Variants in NYAP2 observed in about 807,000 individuals in gnomAD.
NYAP2 encodes neuronal tyrosine-phosphorylated phosphoinositide-3-kinase adapter 2.
A neutral mutation model predicts 50.4 loss-of-function variants in NYAP2; 23 were observed. The ratio of observed to expected loss-of-function variants is 0.46; its 90% CI spans 0.33 to 0.65. The LOEUF (loss-of-function observed/expected upper bound fraction) is 0.65. Ranked by LOEUF, NYAP2 falls within the 30% of genes least tolerant of loss-of-function variation. NYAP2 has a pLI of 0.02. For synonymous variants in NYAP2, 394 were observed against 365.2 expected (o/e 1.08, Z -0.90); for missense variants, 885 against 861.0 (o/e 1.03, Z -0.35).
chr2:225,467,453 G>C (rs1689938492), intron 3 of NYAP2, among the ~76,000 whole-genome samples: 1 of 152,136 alleles, frequency 6.6e-6, no homozygotes, highest in African/African-American at 2.4e-5. Context: ...TGTTGTGGTT[G>C]ATGCCTCTCC....
the NYAP2 span, among the ~76,000 whole-genome samples, chr2:225,672,553 T>C: frequency 1.3e-5 from 2 of 152,160 alleles, no homozygotes; most frequent in Non-Finnish European, 2.9e-5. Context: ...GCAGTAACAC[T>C]TGTAATTTCC....
At chr2:225,628,541 T>C (rs572596705) in intron 6 of NYAP2, among the ~76,000 whole-genome samples, 1 of 152,130 alleles carries the variant, frequency 6.6e-6, no homozygotes, top group East Asian at 1.9e-4. Flanking sequence ...CAGGCTGGTC[T>C]CAAACTCCTG....
the NYAP2 span, among the ~76,000 whole-genome samples, chr2:225,661,648 C>A: frequency 6.6e-6 from 1 of 152,072 alleles, no homozygotes; most frequent in East Asian, 1.9e-4. Flanking sequence ...AGATATAAAA[C>A]CAGGTAGTTC....
chr2:225,560,072 G>A (rs1349970308), intron 4 of NYAP2, among the ~76,000 whole-genome samples: 1 of 151,892 alleles, frequency 6.6e-6, no homozygotes, highest in Admixed American at 6.6e-5. Context: ...ATGCAAAAAA[G>A]AATATGTAAA....
At chr2:225,532,341 G>A (rs890924123) in intron 4 of NYAP2, among the ~76,000 whole-genome samples, 35 of 152,208 alleles carry the variant, frequency 2.3e-4, no homozygotes, top group African/African-American at 8.2e-4. Flanking sequence ...ATTGCATAAA[G>A]AGTACTTTGA....
intron 5 of NYAP2, among the ~76,000 whole-genome samples, chr2:225,589,717 A>C (rs941527557): frequency 1.3e-5 from 2 of 151,668 alleles, no homozygotes; most frequent in East Asian, 3.9e-4. Flanking sequence ...AATAAATTAC[A>C]TTTCGTTTTC....
At chr2:225,507,616 T>A (rs1690731129) in intron 3 of NYAP2, among the ~76,000 whole-genome samples, 2 of 152,252 alleles carry the variant, frequency 1.3e-5, no homozygotes, top group Admixed American at 1.3e-4. Flanking sequence ...TTTATTTTGA[T>A]TTTCTTTGTG....
chr2:225,471,933 A>G (rs1261719713), intron 3 of NYAP2, among the ~76,000 whole-genome samples: 1 of 152,066 alleles, frequency 6.6e-6, no homozygotes, highest in Admixed American at 6.6e-5. Context: ...ACAGAATTTA[A>G]CCAAGAGGTA....
the NYAP2 span, among the ~76,000 whole-genome samples, chr2:225,665,807 T>TAAAAAA: frequency 0.11 from 2,365 of 20,976 alleles, 869 homozygotes; most frequent in Admixed American, 0.13. Flanking sequence ...AGCCTCCGTC[T>TAAAAAA]AAAAAAAAAA....
intron 3 of NYAP2, among the ~76,000 whole-genome samples, chr2:225,426,993 A>G (rs1695297482): frequency 6.6e-6 from 1 of 152,238 alleles, no homozygotes. Context: ...TAAAAGAAAA[A>G]TAAGACTAGT....
chr2:225,526,534 T>C (rs975645211), intron 4 of NYAP2, among the ~76,000 whole-genome samples: 3 of 152,232 alleles, frequency 2.0e-5, no homozygotes, highest in Admixed American at 6.5e-5. Flanking sequence ...CTGAATTTAT[T>C]TGGCTCTTCT....
intron 5 of NYAP2, among the ~76,000 whole-genome samples, chr2:225,585,388 G>T (rs193118034): frequency 6.6e-6 from 1 of 152,250 alleles, no homozygotes; most frequent in East Asian, 1.9e-4. Flanking sequence ...ATATGTAAAA[G>T]AAATGATTAA....
At chr2:225,448,772 G>T (rs187043486) in intron 3 of NYAP2, among the ~76,000 whole-genome samples, 2 of 152,260 alleles carry the variant, frequency 1.3e-5, no homozygotes, top group East Asian at 3.9e-4. Context: ...TCATGCTCCA[G>T]AATCAAAATT....
intron 6 of NYAP2, among the ~76,000 whole-genome samples, chr2:225,632,445 G>T (rs1027220558): frequency 6.6e-6 from 1 of 152,128 alleles, no homozygotes; most frequent in African/African-American, 2.4e-5. Context: ...CCAGTCACAG[G>T]CTATTGCTTT....
intron 3 of NYAP2, among the ~76,000 whole-genome samples, chr2:225,422,692 T>A (rs185361366): frequency 6.6e-6 from 1 of 152,164 alleles, no homozygotes; most frequent in East Asian, 1.9e-4. Flanking sequence ...AATACAAAAT[T>A]TGCAAAGTCA....
intron 3 of NYAP2, among the ~76,000 whole-genome samples, chr2:225,452,212 A>G (rs1284446056): frequency 6.6e-6 from 1 of 152,164 alleles, no homozygotes; most frequent in African/African-American, 2.4e-5. Flanking sequence ...AAGTCCTTTA[A>G]CTTCTTCATA....
chr2:225,623,252 G>A (rs1247455148), intron 5 of NYAP2, among the ~76,000 whole-genome samples: 6 of 152,220 alleles, frequency 3.9e-5, no homozygotes, highest in African/African-American at 1.2e-4. Flanking sequence ...GGAGTAGGAA[G>A]GCTTTATGGG....
chr2:225,527,480 C>A (rs1691172863), intron 4 of NYAP2, among the ~76,000 whole-genome samples: 1 of 152,120 alleles, frequency 6.6e-6, no homozygotes, highest in Admixed American at 6.5e-5. Flanking sequence ...TAGTTGTTGG[C>A]AAAACTTCTT....
At chr2:225,469,891 C>T (rs1340625853) in intron 3 of NYAP2, among the ~76,000 whole-genome samples, 2 of 152,068 alleles carry the variant, frequency 1.3e-5, no homozygotes, top group African/African-American at 2.4e-5. Flanking sequence ...AGGAGAAATA[C>T]CTAATGTAGG....
Sources: gnomAD v4.1 joint callset for allele counts (sites outside exome capture counted in the v4.1 genomes callset) on GRCh38, gnomAD v4.1.1 for gene constraint, MANE v1.5 for transcripts, NCBI Gene and HGNC (gene_info 2026-07-23, HGNC 2026-07-21) for gene names.